The following SPINT2 variants were observed in gnomAD, a reference collection of about 807,000 sequenced individuals.
The protein encoded by SPINT2 is kunitz-type protease inhibitor 2.
Under a neutral mutation model 30.1 loss-of-function variants are expected in SPINT2, and 18 were observed. That is an observed-to-expected ratio of 0.60 (90% CI 0.41 to 0.89). The LOEUF (loss-of-function observed/expected upper bound fraction) is 0.89, where lower values mean the gene tolerates loss of function less well. SPINT2 is among the 40% of genes least tolerant of loss of function. The probability of loss-of-function intolerance (pLI) is 0.00; values close to 1 mark genes in which losing one functional copy is unlikely to be tolerated. For synonymous variants in SPINT2, 139 were observed against 137.9 expected (o/e 1.01, Z -0.05); for missense variants, 276 against 334.3 (o/e 0.83, Z 1.36).
Position 38,289,185 on chromosome 19 carries a change from T to C in SPINT2, c.385T>C (p.Tyr129His). The C allele has an allele frequency of 1.2e-6, 2 of 1,613,832 alleles. No individual in the cohort carries two copies. The highest frequency in any genetic ancestry group is 1.7e-6 in the Non-Finnish European group (2 of 1,179,892). ...AGACCACTCCAGCGATATGTTCAAC[T>C]ATGAAGGTAAAACTCCAAAGAGGCC... The part of the protein sequence containing the change: ...SEDHSSDMFN[Y>H]EEYCTANAVT... Residue 129 changes from tyrosine (Y) to histidine (H), a missense_variant, in exon 4 of 7, where the codon TAT becomes CAT. Tyr to His is a moderately conservative substitution (Grantham distance 83). Coordinates refer to ENST00000301244, the MANE Select transcript of SPINT2 (RefSeq NM_021102.4).
rs1968607466 is a variant in SPINT2, at chr19:38,283,728, G to C, written c.208G>C (p.Gly70Arg). The change falls in exon 2 of 7, where the codon GGC (glycine) becomes CGC (arginine). Residue 70 changes from glycine to arginine, a missense_variant. Transcript: ENST00000301244. ...DGSCQLFVYG[G>R]CDGNSNNYLT... Reference sequence around the variant, plus strand: ...ATCCTGCCAGCTGTTTGTGTATGGGGGCTGTGACGGAAACAGCAATAATTA... The same window carrying C: ...ATCCTGCCAGCTGTTTGTGTATGGGCGCTGTGACGGAAACAGCAATAATTA... 2.5e-6 allele frequency: 4 copies of C among 1,614,036 alleles called. No homozygotes were observed. The highest frequency in any genetic ancestry group is 3.4e-6 in the Non-Finnish European group (4 of 1,180,042).
intron 2 of SPINT2, among the ~76,000 whole-genome samples, chr19:38,286,619 A>G (rs1200478802): frequency 6.6e-6 from 1 of 152,076 alleles, no homozygotes; most frequent in African/African-American, 2.4e-5. Context: ...TCTCTACTCA[A>G]AATACAAAAA....
chr19:38,270,368 A>G (rs1019393178), intron 1 of SPINT2, among the ~76,000 whole-genome samples: 1 of 152,184 alleles, frequency 6.6e-6, no homozygotes, highest in Non-Finnish European at 1.5e-5. Flanking sequence ...ATTCACTGAT[A>G]TAGTCAGCAA....
Position 38,264,605 on chromosome 19 carries a change from A to G in SPINT2, c.-288A>G. ...GCTCTGGCGACCTCCGCGCGTTGGG[A>G]GGTGTAGCGCGGCTCTGAACGCGCT... On this transcript the variant is annotated 5_prime_UTR_variant, in exon 1 of 7. Coordinates refer to ENST00000301244, the MANE Select transcript of SPINT2 (RefSeq NM_021102.4). 1 of 352,650 alleles carries G rather than the reference A, an allele frequency of 2.8e-6. No homozygotes were observed. Among genetic ancestry groups the G allele is most frequent in the Non-Finnish European group, 5.3e-6 (1 of 190,080 alleles). 21.8% of individuals were successfully genotyped at this position (352,650 alleles called of 1,614,324 possible).
chr19:38,271,897 G>A, intron 1 of SPINT2, among the ~76,000 whole-genome samples: 1 of 152,148 alleles, frequency 6.6e-6, no homozygotes, highest in South Asian at 2.1e-4. Flanking sequence ...ATTCCTGACT[G>A]GGCCCAGGGT....
In SPINT2 at chr19:38,290,916, T is replaced by C; in HGVS notation, c.592+341T>C. 1 of 431,758 alleles carries C rather than the reference T, an allele frequency of 2.3e-6. No individual in the cohort carries two copies. Among genetic ancestry groups the C allele is most frequent in the Admixed American group, 3.5e-5 (1 of 28,478 alleles). 26.7% of individuals were successfully genotyped at this position (431,758 alleles called of 1,614,324 possible). Reference sequence around the variant, plus strand: ...CTGCTATGTGGGGCATAAGAGTTGGTCACGGGTGACAGGACGGAGGACCAC... The same window carrying C: ...CTGCTATGTGGGGCATAAGAGTTGGCCACGGGTGACAGGACGGAGGACCAC... On this transcript the variant is annotated intron_variant, in intron 6 of 6. Transcript: ENST00000301244. This position sits in a 1 kb window ranked among gnomAD's most constrained non-coding sequence, Gnocchi z 4.3.
At chr19:38,291,800 C>T (rs1416571383) in intron 6 of SPINT2, 40 bp from the exon 7 acceptor site, 8 of 1,606,734 alleles carry the variant, frequency 5.0e-6, no homozygotes, top group South Asian at 3.3e-5. Flanking sequence ...CTGCAACTCC[C>T]CTTGCCTGGC....
At chr19:38,267,063 G>C (rs887268126) in intron 1 of SPINT2, among the ~76,000 whole-genome samples, 2 of 152,132 alleles carry the variant, frequency 1.3e-5, no homozygotes, top group Admixed American at 1.3e-4. Flanking sequence ...CCTTGCCCGA[G>C]GTCACTCGGT....
At chr19:38,274,522 G>T (rs570353373) in intron 1 of SPINT2, among the ~76,000 whole-genome samples, 1 of 151,750 alleles carries the variant, frequency 6.6e-6, no homozygotes, top group South Asian at 2.1e-4. Flanking sequence ...TTTAGGAAAG[G>T]TGTTCTGCAG....
rs974040815 is a variant in SPINT2 at position 38,290,711 on chromosome 19, G to C, written c.592+136G>C. 8.2e-7 allele frequency: 1 copy of C among 1,222,142 alleles called. No homozygotes were observed. Among genetic ancestry groups the C allele is most frequent in the Admixed American group, 2.0e-5 (1 of 50,432 alleles). 75.7% of individuals were successfully genotyped at this position (1,222,142 alleles called of 1,614,324 possible). A position where few individuals can be genotyped will look rare whatever the true frequency, so the allele number is the denominator to read the frequency against. Reference sequence around the variant, plus strand: ...TTGGCAGAAAGTCATGTTTCTGCGTGAGAATGGCGAGGTGGTGGTTTGTCC... The same window carrying C: ...TTGGCAGAAAGTCATGTTTCTGCGTCAGAATGGCGAGGTGGTGGTTTGTCC... On this transcript the variant is annotated intron_variant, in intron 6 of 6. Coordinates refer to ENST00000301244, the MANE Select transcript of SPINT2 (RefSeq NM_021102.4). This position sits in a 1 kb window ranked among gnomAD's most constrained non-coding sequence, Gnocchi z 4.3.
chr19:38,273,475 A>G (rs945300307), intron 1 of SPINT2, among the ~76,000 whole-genome samples: 1 of 152,198 alleles, frequency 6.6e-6, no homozygotes, highest in African/African-American at 2.4e-5. Context: ...CTGGGCTTAC[A>G]GGCATGAGCC....
At chr19:38,285,214 C>T (rs748401800) in intron 2 of SPINT2, among the ~76,000 whole-genome samples, 1 of 152,168 alleles carries the variant, frequency 6.6e-6, no homozygotes, top group South Asian at 2.1e-4. Context: ...CTCCCAGCAG[C>T]GTGCCCTGGC....
chr19:38,267,495 A>G (rs1217883541), intron 1 of SPINT2, among the ~76,000 whole-genome samples: 1 of 152,094 alleles, frequency 6.6e-6, no homozygotes, highest in East Asian at 1.9e-4. Flanking sequence ...GGGCCGAGGT[A>G]GATGGTAGGG....
At chr19:38,288,072 G>C (rs1968664358) in intron 3 of SPINT2, 137 bp downstream of exon 3, 5 of 948,604 alleles carry the variant, frequency 5.3e-6, no homozygotes, top group Non-Finnish European at 6.7e-6. Context: ...CGGGGGCTCT[G>C]CCTGGGCTGC....
At chr19:38,265,239 T>C in intron 1 of SPINT2, 1 of 440,176 alleles carries the variant, frequency 2.3e-6, no homozygotes. Flanking sequence ...GGAGGAAGAG[T>C]CAAGGGGTAT....
chr19:38,269,411 T>C (rs1187738672), intron 1 of SPINT2, among the ~76,000 whole-genome samples: 1 of 142,892 alleles, frequency 7.0e-6, no homozygotes, highest in Admixed American at 7.0e-5. Flanking sequence ...TTTTTTTTTT[T>C]TTTTTTTTTT....
At chr19:38,269,145 T>G (rs1718547503) in intron 1 of SPINT2, among the ~76,000 whole-genome samples, 3 of 152,054 alleles carry the variant, frequency 2.0e-5, no homozygotes, top group African/African-American at 7.2e-5. Context: ...TCGCCCAGTC[T>G]GGAGTGCAGT....
chr19:38,290,353 A>G lies in SPINT2; in HGVS notation c.553+73A>G. Reference sequence around the variant, plus strand: ...CGGTCCATCTCCCCATCCCTAAAATATGAAGGCCTTGGAAATGCTGTTCTT... The same window carrying G: ...CGGTCCATCTCCCCATCCCTAAAATGTGAAGGCCTTGGAAATGCTGTTCTT... On this transcript the variant is annotated intron_variant, in intron 5 of 6. Transcript: ENST00000301244. This position sits in a 1 kb window ranked among gnomAD's most constrained non-coding sequence, Gnocchi z 4.3. 6.3e-7 allele frequency: 1 copy of G among 1,584,914 alleles called. No homozygotes were observed. Among genetic ancestry groups the G allele is most frequent in the Non-Finnish European group, 8.6e-7 (1 of 1,165,822 alleles).
intron 1 of SPINT2, among the ~76,000 whole-genome samples, chr19:38,276,187 A>T (rs1485810609): frequency 6.6e-6 from 1 of 152,100 alleles, no homozygotes; most frequent in African/African-American, 2.4e-5. Flanking sequence ...GAAAAAACAG[A>T]TGGGTGGGAG....
Sources: gnomAD v4.1 joint callset for allele counts (sites outside exome capture counted in the v4.1 genomes callset) on GRCh38, gnomAD v4.1.1 for gene constraint, Gnocchi (gnomAD v3.1) non-coding constraint, MANE v1.5 for transcripts, NCBI Gene and HGNC (gene_info 2026-07-23, HGNC 2026-07-21) for gene names.